ERBB4: variants seen among roughly 807,000 people sequenced by gnomAD.
ERBB4 encodes the protein erb-b2 receptor tyrosine kinase 4, also known as receptor tyrosine-protein kinase erbB-4.
ERBB4 carries 42 observed loss-of-function variants against 158.0 expected under a neutral mutation model. The observed-to-expected ratio is 0.27, with a 90% CI of 0.21 to 0.34. The LOEUF is 0.34. Ranked by LOEUF, ERBB4 falls within the 10% of genes least tolerant of loss-of-function variation. The pLI is 1.00. For missense variants in ERBB4, 1,333 were observed against 1,624.1 expected, an observed-to-expected ratio of 0.82 and a Z score of 3.08; for synonymous variants, 583 against 558.7, an observed-to-expected ratio of 1.04 and a Z score of -0.61.
intron 3 of ERBB4, among the ~76,000 whole-genome samples, chr2:211,858,734 T>C (rs1025752): frequency 0.42 from 63,479 of 152,058 alleles, 13,459 homozygotes; most frequent in East Asian, 0.52. Context: ...ATTAACAATC[T>C]GGCATGTTGT....
At chr2:212,052,264 C>T (rs973921989) in intron 2 of ERBB4, among the ~76,000 whole-genome samples, 1 of 152,194 alleles carries the variant, frequency 6.6e-6, no homozygotes, top group Non-Finnish European at 1.5e-5. Flanking sequence ...GACCCTTGGA[C>T]ATATACCAGT....
chr2:212,054,578 G>A (rs1249444537), intron 2 of ERBB4, among the ~76,000 whole-genome samples: 1 of 152,132 alleles, frequency 6.6e-6, no homozygotes, highest in Non-Finnish European at 1.5e-5. Flanking sequence ...CTTCTAGCAG[G>A]TCCCAGGCCA....
intron 2 of ERBB4, among the ~76,000 whole-genome samples, chr2:212,080,696 C>G (rs1319485904): frequency 7.0e-6 from 1 of 142,180 alleles, no homozygotes; most frequent in Non-Finnish European, 1.5e-5. Flanking sequence ...AAAAAAAAAC[C>G]TCTTTATATT....
chr2:211,992,567 G>GAGAGA (rs1553528768), intron 2 of ERBB4, among the ~76,000 whole-genome samples: 7 of 125,240 alleles, frequency 5.6e-5, no homozygotes, highest in African/African-American at 2.0e-4. Flanking sequence ...GAGAGAGAGA[G>GAGAGA]AAAAAAAAAA....
intron 1 of ERBB4, among the ~76,000 whole-genome samples, chr2:212,478,284 G>A (rs1442410840): frequency 6.6e-6 from 1 of 152,090 alleles, no homozygotes; most frequent in East Asian, 1.9e-4. Context: ...GTACCAGTCT[G>A]TCCTCAGTCA....
At chr2:211,796,538 T>G (rs1401708006) in intron 3 of ERBB4, among the ~76,000 whole-genome samples, 7 of 151,982 alleles carry the variant, frequency 4.6e-5, no homozygotes, top group Admixed American at 2.6e-4. Context: ...TTTAACTTAT[T>G]TATATGCCCA....
chr2:211,424,436 T>A, intron 22 of ERBB4, 135 bp from the exon 23 acceptor site: 8 of 651,204 alleles, frequency 1.2e-5, no homozygotes, highest in Non-Finnish European at 2.1e-5. Context: ...AAAAGCTCCA[T>A]AAATTCCTGC....
At chr2:211,655,786 A>G in intron 16 of ERBB4, among the ~76,000 whole-genome samples, 1 of 152,096 alleles carries the variant, frequency 6.6e-6, no homozygotes, top group East Asian at 1.9e-4. Context: ...CCCTCTCTCT[A>G]ATTTTTTCAT....
At chr2:212,449,839 GCTA>G (rs1296159608) in intron 1 of ERBB4, among the ~76,000 whole-genome samples, 3 of 136,268 alleles carry the variant, frequency 2.2e-5, no homozygotes, top group African/African-American at 8.6e-5. Flanking sequence ...TATAATTATA[GCTA>G]CTGATATAGC....
At position 212,158,465 on chromosome 2, in the gene ERBB4, C is replaced by T. The variant is rs193075746; in HGVS notation, c.83-33562G>A. Among the ~76,000 whole-genome samples, 16 of 152,070 alleles carry T rather than the reference C, an allele frequency of 1.1e-4. No individual in the cohort carries two copies. The East Asian group carries it at 3.1e-3, about 30-fold the overall frequency. On this transcript the variant is annotated intron_variant, in intron 1 of 27. Coordinates refer to ENST00000342788, the MANE Select transcript of ERBB4 (RefSeq NM_005235.3). ...TTCCTTTACCAAAAGTTCCCTACCC[C>T]TTCTCATCTACCCAAAAGTCCCTAT...
At chr2:211,607,652 A>T (rs546924030) in intron 19 of ERBB4, among the ~76,000 whole-genome samples, 3 of 152,106 alleles carry the variant, frequency 2.0e-5, no homozygotes. Flanking sequence ...CATGCTATAC[A>T]TAAACTGTAA....
chr2:212,393,707 C>G (rs1250108544), intron 1 of ERBB4, among the ~76,000 whole-genome samples: 1 of 151,956 alleles, frequency 6.6e-6, no homozygotes, highest in African/African-American at 2.4e-5. Context: ...TCCACCAGAC[C>G]CCGAAATAAA....
At chr2:212,226,070 T>A (rs574917538) in intron 1 of ERBB4, among the ~76,000 whole-genome samples, 1 of 152,242 alleles carries the variant, frequency 6.6e-6, no homozygotes, top group South Asian at 2.1e-4. Context: ...TCAGAGAGAT[T>A]CAAATCGGCA....
intron 1 of ERBB4, among the ~76,000 whole-genome samples, chr2:212,288,715 G>GT (rs1372098456): frequency 3.9e-5 from 6 of 152,046 alleles, no homozygotes; most frequent in Admixed American, 6.6e-5. Flanking sequence ...CGAGAACCCC[G>GT]TTTTTAGCTC....
chr2:212,201,957 A>G (rs1426579659), intron 1 of ERBB4, among the ~76,000 whole-genome samples: 1 of 152,206 alleles, frequency 6.6e-6, no homozygotes, highest in African/African-American at 2.4e-5. Context: ...TGAGAAAGAA[A>G]AATTGTGAGT....
chr2:211,627,021 C>A (rs577664362), intron 17 of ERBB4, among the ~76,000 whole-genome samples: 10 of 151,640 alleles, frequency 6.6e-5, no homozygotes, highest in Admixed American at 5.3e-4. Flanking sequence ...TCTTATAAAG[C>A]ACTGCATTAT....
At position 211,462,282 on chromosome 2, in the gene ERBB4, C is replaced by T. The variant is rs114242141; in HGVS notation, c.2488-31182G>A. 3.7e-3 allele frequency among the ~76,000 whole-genome samples: 561 copies of T among 152,150 alleles called. 5 individuals carry two copies. The highest frequency in any genetic ancestry group is 0.013 in the African/African-American group (542 of 41,508). ...CTATCATGAGCAGCACTGAGGGATACCTGCCCCCATGATCCAATCACTTCC... is the reference window on the plus strand; with the variant it reads ...CTATCATGAGCAGCACTGAGGGATATCTGCCCCCATGATCCAATCACTTCC... On this transcript the variant is annotated intron_variant, in intron 20 of 27. Transcript: ENST00000342788.
At chr2:212,219,130 C>A (rs1302380544) in intron 1 of ERBB4, among the ~76,000 whole-genome samples, 1 of 151,318 alleles carries the variant, frequency 6.6e-6, no homozygotes, top group Non-Finnish European at 1.5e-5. Context: ...TCAGAGTTTA[C>A]AGATTACAAT....
At chr2:212,106,611 AG>A (rs2079235380) in intron 2 of ERBB4, among the ~76,000 whole-genome samples, 1 of 152,270 alleles carries the variant, frequency 6.6e-6, no homozygotes, top group Non-Finnish European at 1.5e-5. Flanking sequence ...ATAAGTAGCT[AG>A]AAGCTGAATA....
Sources: gnomAD v4.1 joint callset for allele counts (sites outside exome capture counted in the v4.1 genomes callset) on GRCh38, gnomAD v4.1.1 for gene constraint, MANE v1.5 for transcripts, NCBI Gene and HGNC (gene_info 2026-07-23, HGNC 2026-07-21) for gene names.